Variants in LIG1 observed in about 807,000 individuals in gnomAD.
LIG1 encodes ligase I, DNA, ATP-dependent.
A neutral mutation model predicts 115.7 loss-of-function variants in LIG1; 70 were observed. That is an observed-to-expected ratio of 0.60 (90% CI 0.50 to 0.74). The LOEUF is 0.74. Ranked by LOEUF, LIG1 falls within the 30% of genes least tolerant of loss-of-function variation. The pLI is 0.00. For synonymous variants in LIG1, 487 were observed against 495.3 expected, an observed-to-expected ratio of 0.98 and a Z score of 0.22; for missense variants, 1,115 against 1,225.6, an observed-to-expected ratio of 0.91 and a Z score of 1.35.
intron 19 of LIG1, 96 bp downstream of exon 19, chr19:48,130,980 A>G (rs2033981237): frequency 1.0e-6 from 1 of 964,028 alleles, no homozygotes; most frequent in Non-Finnish European, 1.7e-6. Context: ...CTCCCAATAA[A>G]CCCCGCACTG....
intron 21 of LIG1, among the ~76,000 whole-genome samples, chr19:48,125,386 A>G (rs543526162): frequency 5.3e-5 from 8 of 152,302 alleles, no homozygotes; most frequent in African/African-American, 1.9e-4. Context: ...CAGTAATTTC[A>G]TGTAGTGAAA....
At position 48,142,442 on chromosome 19, in the gene LIG1, C is replaced by CAAAAAAAAAAAAAAAAAAAAAA. The variant is rs561137392; in HGVS notation, c.914+1100_914+1101insTTTTTTTTTTTTTTTTTTTTTT. ...TGGGCAACAGAGCAAGACTCCATCTCAAAAAAAAAAAAAAACAGAGTGCTG... is the reference window on the plus strand; with the variant it reads ...TGGGCAACAGAGCAAGACTCCATCTCAAAAAAAAAAAAAAAAAAAAAAAAAAAAAAAAAAAAACAGAGTGCTG... On this transcript the variant is annotated intron_variant, in intron 11 of 27. Transcript: ENST00000263274. Among the ~76,000 whole-genome samples, 154 of 75,544 alleles carry CAAAAAAAAAAAAAAAAAAAAAA rather than the reference C, an allele frequency of 2.0e-3. 11 individuals carry two copies. The highest frequency in any genetic ancestry group is 2.6e-3 in the East Asian group (4 of 1,562). The allele number at this position is 75,544 out of a possible 152,430, so 49.6% of individuals were successfully genotyped here.
At chr19:48,129,807 G>A (rs1383837606) in intron 19 of LIG1, among the ~76,000 whole-genome samples, 1 of 152,192 alleles carries the variant, frequency 6.6e-6, no homozygotes, top group Admixed American at 6.5e-5. Context: ...CCAGGCTAGA[G>A]TACAGTGGCC....
rs766156852 is a variant in LIG1 at position 48,157,071 on chromosome 19, G to A, written c.313C>T (p.Leu105Phe). Reference protein sequence around the residue: ...PATSPENNASLSDTSPMDSSP... With the variant: ...PATSPENNASFSDTSPMDSSP... ...CTGTCCATGGGAGAGGTGTCAGAGA[G>A]GGAAGCATTGTTCTCAGGAGATGTG... The change falls in exon 5 of 28, where the codon CTC (leucine) becomes TTC (phenylalanine). Residue 105 changes from leucine (L) to phenylalanine (F), a missense_variant. Physicochemically the swap from Leu to Phe is conservative, Grantham distance 22 (BLOSUM62 0). Coordinates refer to ENST00000263274, the MANE Select transcript of LIG1 (RefSeq NM_000234.3). The A allele has an allele frequency of 1.4e-5, 22 of 1,612,952 alleles. No homozygotes were observed. Among genetic ancestry groups the A allele is most frequent in the Non-Finnish European group, 1.9e-5 (22 of 1,179,318 alleles).
rs147774786 is a variant in LIG1 at position 48,122,219 on chromosome 19, G to A, written c.2232+715C>T. 4.9e-4 allele frequency: 75 copies of A among 154,310 alleles called. 1 individual carries two copies. The East Asian group carries it at 0.013, about 27-fold the overall frequency. 9.6% of individuals were successfully genotyped at this position (154,310 alleles called of 1,614,324 possible). A position where few individuals can be genotyped will look rare whatever the true frequency, so the allele number is the denominator to read the frequency against. The stretch of plus-strand genomic sequence containing the variant: ...TCTTACTGATGACAGGCTCCTGCTC[G>A]CTGGCCCTCAACACACCCGTCCTCC... On this transcript the variant is annotated intron_variant, in intron 23 of 27. Transcript: ENST00000263274. This position sits in a 1 kb window ranked among gnomAD's most constrained non-coding sequence, Gnocchi z 4.3.
intron 11 of LIG1, among the ~76,000 whole-genome samples, chr19:48,142,450 A>AAAAAAAAAAAAAAAAAAC (rs1190070015): frequency 6.7e-6 from 1 of 150,354 alleles, no homozygotes; most frequent in African/African-American, 2.4e-5. Flanking sequence ...CTCAAAAAAA[A>AAAAAAAAAAAAAAAAAAC]AAAAAAACAG....
chr19:48,128,176 C>G (rs1382729477), intron 19 of LIG1, among the ~76,000 whole-genome samples, 156 bp from the exon 20 acceptor site: 1 of 152,136 alleles, frequency 6.6e-6, no homozygotes, highest in Non-Finnish European at 1.5e-5. Context: ...TATTCCCCAC[C>G]AAGAGGAGAC....
intron 4 of LIG1, among the ~76,000 whole-genome samples, chr19:48,157,606 G>A (rs1048392899): frequency 2.6e-5 from 4 of 152,050 alleles, no homozygotes; most frequent in South Asian, 2.1e-4. Context: ...GTGCAGTGGC[G>A]CGATCTCGGC....
Position 48,144,111 on chromosome 19 carries a change from C to T in LIG1, c.777-148G>A, listed in dbSNP as rs1263872273. The T allele has an allele frequency of 1.8e-5, 13 of 735,140 alleles. No individual in the cohort carries two copies. The East Asian group carries it at 2.0e-4, about 11-fold the overall frequency. The allele number at this position is 735,140 out of a possible 1,614,324, so 45.5% of individuals were successfully genotyped here. On this transcript the variant is annotated intron_variant, in intron 9 of 27. Coordinates refer to ENST00000263274, the MANE Select transcript of LIG1 (RefSeq NM_000234.3). ...GTTTGCTAACCTGGAGCTCACATTC[C>T]AGCAGGAGAGTCAGAGGAAAGTGGG... is the stretch of plus-strand genomic sequence containing the variant.
intron 9 of LIG1, among the ~76,000 whole-genome samples, chr19:48,147,066 C>T (rs531678614): frequency 5.9e-5 from 9 of 152,258 alleles, no homozygotes; most frequent in South Asian, 2.1e-4. Context: ...AAGAATCCTC[C>T]GAACACTTTT....
At position 48,115,970 on chromosome 19, in the gene LIG1, G is replaced by A. The variant is rs534721657; in HGVS notation, c.2584-5C>T. ...GATGCCCTTGTCACTATCCACCTGC[G>A]GAAGCGGGATGGAGACTCCTGCGGT... On this transcript the variant is annotated splice_polypyrimidine_tract_variant and splice_region_variant and intron_variant, in intron 26 of 27. Transcript: ENST00000263274. 22 of 1,611,922 alleles carry A rather than the reference G, an allele frequency of 1.4e-5. No homozygotes were observed. Among genetic ancestry groups the A allele is most frequent in the African/African-American group, 2.7e-5 (2 of 74,964 alleles).
chr19:48,156,286 C>T (rs1446704247), intron 5 of LIG1, among the ~76,000 whole-genome samples: 3 of 144,532 alleles, frequency 2.1e-5, no homozygotes, highest in African/African-American at 7.3e-5. Flanking sequence ...GCTTGGTTAG[C>T]CTCTCTTCTG....
At chr19:48,123,455 A>C (rs2033442278) in intron 21 of LIG1, 137 bp from the exon 22 acceptor site, 1 of 975,408 alleles carries the variant, frequency 1.0e-6, no homozygotes, top group Non-Finnish European at 1.6e-6. Flanking sequence ...AGAGGGAAGA[A>C]CCCTGATGTC....
Position 48,170,255 on chromosome 19 carries a change from G to A in LIG1, c.-72C>T. The A allele has an allele frequency of 2.2e-6, 1 of 455,228 alleles. No individual in the cohort carries two copies. Among genetic ancestry groups the A allele is most frequent in the Non-Finnish European group, 4.4e-6 (1 of 226,426 alleles). The allele number at this position is 455,228 out of a possible 1,614,324, so 28.2% of individuals were successfully genotyped here. On this transcript the variant is annotated 5_prime_UTR_variant, in exon 1 of 28. Transcript: ENST00000263274. ...GCCCCACTTGCCTTGCGTTGGTCCC[G>A]CGCGCCGCTGCCCGGGCAACACACT...
intron 2 of LIG1, among the ~76,000 whole-genome samples, chr19:48,162,724 G>A (rs1165101593): frequency 4.0e-5 from 6 of 151,712 alleles, no homozygotes; most frequent in African/African-American, 9.7e-5. Flanking sequence ...CACCGCGCCC[G>A]GCCGCATCCT....
chr19:48,154,491 A>G, intron 5 of LIG1: 1 of 204,554 alleles, frequency 4.9e-6, no homozygotes, highest in Non-Finnish European at 1.0e-5. Context: ...AATCCCACAA[A>G]ACTAAGCTCC....
chr19:48,145,454 C>A (rs1243586371), intron 9 of LIG1, among the ~76,000 whole-genome samples: 2 of 152,156 alleles, frequency 1.3e-5, no homozygotes, highest in Non-Finnish European at 2.9e-5. Context: ...TGAGGACTCC[C>A]CAGCCCCAGG....
chr19:48,159,038 T>C (rs905143629), intron 4 of LIG1, among the ~76,000 whole-genome samples: 1 of 152,186 alleles, frequency 6.6e-6, no homozygotes, highest in Non-Finnish European at 1.5e-5. Context: ...GTATGGTTTC[T>C]GTCTCCCATT....
intron 1 of LIG1, among the ~76,000 whole-genome samples, chr19:48,167,818 C>T (rs12463269): frequency 0.53 from 78,184 of 147,832 alleles, 20,714 homozygotes; most frequent in East Asian, 0.68. Flanking sequence ...AGAGCGAGAC[C>T]CCGTCTTAAA....
Sources: allele counts gnomAD v4.1 joint callset (sites outside exome capture counted in the v4.1 genomes callset), GRCh38; gene constraint gnomAD v4.1.1; non-coding constraint Gnocchi (gnomAD v3.1); transcripts MANE v1.5; gene names NCBI Gene and HGNC (gene_info 2026-07-23, HGNC 2026-07-21).